Variants in SLC9A8 observed in about 807,000 individuals in gnomAD.
SLC9A8 encodes sodium/hydrogen exchanger 8.
SLC9A8 carries 48 observed loss-of-function variants against 66.6 expected under a neutral mutation model. The observed-to-expected ratio is 0.72, with a 90% CI of 0.57 to 0.92. The LOEUF (loss-of-function observed/expected upper bound fraction) is 0.92. Among genes scored for constraint, SLC9A8 ranks in the 40% least tolerant of loss-of-function variants. SLC9A8 has a pLI of 0.00. For synonymous variants in SLC9A8, 274 were observed against 282.6 expected, an observed-to-expected ratio of 0.97 and a Z score of 0.31; for missense variants, 599 against 747.3, an observed-to-expected ratio of 0.80 and a Z score of 2.31.
intron 14 of SLC9A8, 180 bp downstream of exon 14, chr20:49,884,246 C>CACACACACACACACG (rs2089764260): frequency 2.0e-5 from 7 of 356,308 alleles, no homozygotes; most frequent in African/African-American, 9.7e-5. Context: ...ACACACGACA[C>CACACACACACACACG]ACACACACAC....
At chr20:49,877,030 G>T (rs1470582297) in intron 11 of SLC9A8, among the ~76,000 whole-genome samples, 1 of 151,260 alleles carries the variant, frequency 6.6e-6, no homozygotes, top group Non-Finnish European at 1.5e-5. Context: ...GCTTATGCTT[G>T]TAATCCCAGC....
intron 10 of SLC9A8, 117 bp from the exon 11 acceptor site, chr20:49,874,588 T>A: frequency 1.4e-6 from 1 of 716,908 alleles, no homozygotes; most frequent in Non-Finnish European, 2.5e-6. Flanking sequence ...GGAATTCATT[T>A]ATTTTCCTTT....
chr20:49,875,046 C>A (rs2089371751), intron 11 of SLC9A8, among the ~76,000 whole-genome samples: 1 of 152,054 alleles, frequency 6.6e-6, no homozygotes, highest in African/African-American at 2.4e-5. Flanking sequence ...AATTTAAAGA[C>A]CAAAAATAGT....
intron 3 of SLC9A8, among the ~76,000 whole-genome samples, chr20:49,825,854 C>T (rs2146481033): frequency 6.6e-6 from 1 of 152,328 alleles, no homozygotes; most frequent in East Asian, 1.9e-4. Flanking sequence ...CGTTCTCAGA[C>T]AGGCTCTTGG....
intron 13 of SLC9A8, among the ~76,000 whole-genome samples, chr20:49,882,722 G>C (rs487096): frequency 0.88 from 133,611 of 152,230 alleles, 58,693 homozygotes; most frequent in South Asian, 0.91. Context: ...TGAATTGCCC[G>C]GTGGCCTGGC....
At chr20:49,852,301 C>A (rs1437774486) in intron 7 of SLC9A8, among the ~76,000 whole-genome samples, 1 of 151,986 alleles carries the variant, frequency 6.6e-6, no homozygotes, top group Non-Finnish European at 1.5e-5. Context: ...ATTTTAAATA[C>A]TTTTTTTTCA....
chr20:49,834,173 C>CTA (rs2087337503), intron 3 of SLC9A8, among the ~76,000 whole-genome samples: 1 of 59,546 alleles, frequency 1.7e-5, no homozygotes, highest in Non-Finnish European at 3.3e-5. Context: ...CTCTCTCTCT[C>CTA]TCTCTCTCTC....
At chr20:49,844,455 G>A (rs1434789737) in intron 4 of SLC9A8, among the ~76,000 whole-genome samples, 1 of 151,934 alleles carries the variant, frequency 6.6e-6, no homozygotes, top group East Asian at 1.9e-4. Context: ...ACATACTACT[G>A]TGTTGTGCTG....
At chr20:49,858,955 C>CA (rs1012164170) in intron 8 of SLC9A8, among the ~76,000 whole-genome samples, 1,469 of 107,590 alleles carry the variant, frequency 0.014, 15 homozygotes, top group African/African-American at 0.04. Flanking sequence ...AAGACTGTCT[C>CA]AAAAAAAAAA....
intron 3 of SLC9A8, among the ~76,000 whole-genome samples, chr20:49,834,206 TATATATATAC>T (rs1395556279): frequency 2.2e-4 from 25 of 112,206 alleles, no homozygotes; most frequent in African/African-American, 8.2e-4. Flanking sequence ...TATATATATA[TATATATATAC>T]ACACACACAC....
At chr20:49,883,745 C>T in intron 13 of SLC9A8, 101 bp from the exon 14 acceptor site, 1 of 884,602 alleles carries the variant, frequency 1.1e-6, no homozygotes, top group Non-Finnish European at 1.7e-6. Flanking sequence ...TTAGAATAGT[C>T]AGCTGGTCGT....
chr20:49,867,106 ATT>A (rs2089003111), intron 10 of SLC9A8, among the ~76,000 whole-genome samples: 1 of 151,612 alleles, frequency 6.6e-6, no homozygotes, highest in Non-Finnish European at 1.5e-5. Flanking sequence ...TTTGTTGTTG[ATT>A]TTTCTTGTGC....
intron 11 of SLC9A8, among the ~76,000 whole-genome samples, chr20:49,876,884 G>C (rs1010591008): frequency 1.1e-4 from 17 of 151,902 alleles, no homozygotes; most frequent in African/African-American, 2.2e-4. Flanking sequence ...GAGAGAGAAG[G>C]GGGGGTAAAT....
chr20:49,874,966 G>T, intron 11 of SLC9A8, 145 bp downstream of exon 11: 2 of 659,970 alleles, frequency 3.0e-6, no homozygotes, highest in Non-Finnish European at 5.5e-6. Context: ...CTTATCTTTT[G>T]TTTGTTCCTC....
intron 13 of SLC9A8, among the ~76,000 whole-genome samples, chr20:49,882,961 TC>T (rs2089685264): frequency 6.6e-6 from 1 of 151,762 alleles, no homozygotes; most frequent in Non-Finnish European, 1.5e-5. Context: ...CTCCCCGCTT[TC>T]CTGTCTGGGG....
Position 49,889,663 on chromosome 20 carries a change from A to G in SLC9A8, c.*1727A>G, listed in dbSNP as rs2089998294. On this transcript the variant is annotated 3_prime_UTR_variant, in exon 16 of 16. Transcript: ENST00000361573. The stretch of plus-strand genomic sequence containing the variant: ...TGATCTTTTTTAATTTCTCAACCCC[A>G]TAATTTGAGCCATTGCCTTGCTTAA... The G allele has an allele frequency of 6.6e-6, 1 of 152,166 alleles. No homozygotes were observed. The highest frequency in any genetic ancestry group is 2.1e-4 in the South Asian group (1 of 4,834). The allele number at this position is 152,166 out of a possible 1,614,324, so 9.4% of individuals were successfully genotyped here. A position where few individuals can be genotyped will look rare whatever the true frequency, so the allele number is the denominator to read the frequency against.
chr20:49,818,999 A>G (rs143741641), intron 2 of SLC9A8, among the ~76,000 whole-genome samples: 2 of 152,318 alleles, frequency 1.3e-5, no homozygotes, highest in African/African-American at 2.4e-5. Flanking sequence ...CTGTAAGCAC[A>G]TGACAGGATT....
At chr20:49,864,357 T>C (rs1186501202) in intron 9 of SLC9A8, among the ~76,000 whole-genome samples, 3 of 152,184 alleles carry the variant, frequency 2.0e-5, no homozygotes, top group East Asian at 3.9e-4. Flanking sequence ...GTGGGGGTGA[T>C]GCCGGCCCTG....
intron 10 of SLC9A8, among the ~76,000 whole-genome samples, chr20:49,870,608 CAA>C (rs1377176423): frequency 1.3e-5 from 2 of 152,228 alleles, no homozygotes; most frequent in East Asian, 3.9e-4. Context: ...TGCACCACGA[CAA>C]GAGAGTTGGA....
Sources: gnomAD v4.1 joint callset for allele counts (sites outside exome capture counted in the v4.1 genomes callset) on GRCh38, gnomAD v4.1.1 for gene constraint, MANE v1.5 for transcripts, NCBI Gene and HGNC (gene_info 2026-07-23, HGNC 2026-07-21) for gene names.